Variants in LPIN1 observed in about 807,000 individuals in gnomAD.
The protein encoded by LPIN1 is lipin 1.
Under a neutral mutation model 107.5 loss-of-function variants are expected in LPIN1, and 71 were observed. The ratio of observed to expected loss-of-function variants is 0.66; its 90% CI spans 0.55 to 0.80. The LOEUF (loss-of-function observed/expected upper bound fraction) is 0.80, where lower values mean the gene tolerates loss of function less well. Among genes scored for constraint, LPIN1 ranks in the 30% least tolerant of loss-of-function variants. The probability of loss-of-function intolerance (pLI) is 0.00; values close to 1 mark genes in which losing one functional copy is unlikely to be tolerated. For synonymous variants in LPIN1, 445 were observed against 452.6 expected, an observed-to-expected ratio of 0.98 and a Z score of 0.21; for missense variants, 1,043 against 1,160.6, an observed-to-expected ratio of 0.90 and a Z score of 1.47.
In LPIN1 at chr2:11,784,932, C is replaced by G. The variant is rs1558904203; in HGVS notation, c.1405C>G (p.Arg469Gly). The G allele has an allele frequency of 6.2e-7, 1 of 1,613,986 alleles. No homozygotes were observed. The highest frequency in any genetic ancestry group is 8.5e-7 in the Non-Finnish European group (1 of 1,180,030). ...AAAACATGCAAGCGACAACGGAGCC[C>G]GGTCAGCCAACCAGTCCCCGCAGTC... The part of the protein sequence containing the change: ...LAKHASDNGA[R>G]SANQSPQSVG... Residue 469 changes from arginine (R) to glycine (G), a missense_variant, in exon 10 of 21, where the codon CGG becomes GGG. Transcript: ENST00000674199.
At chr2:11,732,911 C>CTGTGTGTG (rs35991291) in intron 1 of LPIN1, among the ~76,000 whole-genome samples, 1 of 149,010 alleles carries the variant, frequency 6.7e-6, no homozygotes, top group East Asian at 1.9e-4. Flanking sequence ...CTCTCTCTCT[C>CTGTGTGTG]TGTGTGTGTG....
At chr2:11,706,803 T>C (rs772077368) in intron 1 of LPIN1, among the ~76,000 whole-genome samples, 27 of 152,336 alleles carry the variant, frequency 1.8e-4, no homozygotes, top group Non-Finnish European at 3.7e-4. Context: ...AGGTGGTCTA[T>C]ATCTGGGGGC....
In LPIN1 at chr2:11,779,637, G is replaced by C; in HGVS notation, c.949G>C (p.Ala317Pro). Reference sequence around the variant, plus strand: ...TTGGCTGTGGGGAGAGCTGCCGCAGGCTGCTAAGGTGAGAGTCTCTTCAAT... The same window carrying C: ...TTGGCTGTGGGGAGAGCTGCCGCAGCCTGCTAAGGTGAGAGTCTCTTCAAT... ...MLWLWGELPQ[A>P]AKSSSPHKMK... The change falls in exon 7 of 21, where the codon GCT (alanine) becomes CCT (proline). Residue 317 changes from alanine to proline, a missense_variant. Transcript: ENST00000674199. The C allele has an allele frequency of 6.2e-7, 1 of 1,614,014 alleles. No individual in the cohort carries two copies. The highest frequency in any genetic ancestry group is 1.1e-5 in the South Asian group (1 of 91,088).
intron 10 of LPIN1, among the ~76,000 whole-genome samples, chr2:11,785,284 G>A (rs1038822026): frequency 5.9e-5 from 9 of 152,252 alleles, no homozygotes; most frequent in African/African-American, 2.2e-4. Flanking sequence ...CATGGCTCGG[G>A]CCATCGTTGT....
At chr2:11,732,586 C>T (rs1665346917) in intron 1 of LPIN1, among the ~76,000 whole-genome samples, 1 of 152,206 alleles carries the variant, frequency 6.6e-6, no homozygotes, top group Admixed American at 6.5e-5. Flanking sequence ...TTTGGAAATA[C>T]CTATTCCAAA....
At chr2:11,752,320 A>G (rs1186891843) in intron 1 of LPIN1, among the ~76,000 whole-genome samples, 1 of 151,684 alleles carries the variant, frequency 6.6e-6, no homozygotes, top group Non-Finnish European at 1.5e-5. Context: ...GCCTCTTTCG[A>G]TTCCTGTATC....
rs575323517 is a variant in LPIN1 at position 11,821,604 on chromosome 2, G to A, written c.2621+1090G>A. On this transcript the variant is annotated intron_variant, in intron 20 of 20. Transcript: ENST00000674199. ...GGAGGAGTTAGACTGGGGGAGTTTG[G>A]TTCTAGGAGATTCCTAAGGATTGGT... Among the ~76,000 whole-genome samples, 47 of 152,236 alleles carry A rather than the reference G, an allele frequency of 3.1e-4. 1 individual carries two copies. The highest frequency in any genetic ancestry group is 5.4e-4 in the Non-Finnish European group (37 of 68,040).
intron 6 of LPIN1, chr2:11,777,336 T>C (rs1473329882): frequency 6.6e-6 from 1 of 152,178 alleles, no homozygotes; most frequent in Non-Finnish European, 1.5e-5. Flanking sequence ...CTGTTTGCTG[T>C]TGGGGAGGGA....
At chr2:11,776,586 A>G (rs1185261320) in intron 6 of LPIN1, among the ~76,000 whole-genome samples, 5 of 152,222 alleles carry the variant, frequency 3.3e-5, no homozygotes, top group Non-Finnish European at 2.9e-5. Flanking sequence ...TTGTTTGACA[A>G]ATAAGTTTAC....
rs752521580 is a variant in LPIN1, at chr2:11,779,643, A to C, written c.955A>C (p.Lys319Gln). 3.7e-6 allele frequency: 6 copies of C among 1,613,842 alleles called. No individual in the cohort carries two copies. The highest frequency in any genetic ancestry group is 1.7e-5 in the Admixed American group (1 of 59,992). ...GTGGGGAGAGCTGCCGCAGGCTGCT[A>C]AGGTGAGAGTCTCTTCAATTCTGCC... ...WLWGELPQAAKSSSPHKMKES... is the reference protein window; with the variant it reads ...WLWGELPQAAQSSSPHKMKES... The change falls in exon 7 of 21, where the codon AAG becomes CAG. Residue 319 changes from lysine (K) to glutamine (Q), a missense_variant and splice_region_variant. Transcript: ENST00000674199.
intron 1 of LPIN1, among the ~76,000 whole-genome samples, chr2:11,759,735 C>T (rs1669354946): frequency 6.6e-6 from 1 of 152,168 alleles, no homozygotes; most frequent in South Asian, 2.1e-4. Context: ...CAGAGGGGCT[C>T]CTCACTTCCC....
intron 2 of LPIN1, among the ~76,000 whole-genome samples, chr2:11,716,416 C>T (rs577521154): frequency 2.0e-5 from 3 of 152,088 alleles, no homozygotes; most frequent in Non-Finnish European, 2.9e-5. Context: ...CTCTCCCTCT[C>T]GTTCACTCTC....
At chr2:11,763,963 T>TTGTGTGTGTG (rs1309608635) in intron 1 of LPIN1, among the ~76,000 whole-genome samples, 2 of 87,604 alleles carry the variant, frequency 2.3e-5, no homozygotes, top group African/African-American at 1.1e-4. Context: ...ACATATATTT[T>TTGTGTGTGTG]AGTGTGTGTG....
intron 2 of LPIN1, among the ~76,000 whole-genome samples, chr2:11,716,471 G>A (rs946666244): frequency 1.3e-5 from 2 of 151,800 alleles, no homozygotes; most frequent in African/African-American, 4.8e-5. Flanking sequence ...CCCTGACACT[G>A]TCCCCCTCTC....
chr2:11,819,562 A>G lies in LPIN1; in HGVS notation c.2481A>G (p.Thr827=), dbSNP rs1681176829. ...TDIKNLFFPN[T]EPFYAAFGNR... ...TCAAAAACCTGTTTTTCCCCAACAC[A>G]GAACCCTTTTATGCTGCTTTTGGAA... The change falls in exon 19 of 21, where the codon ACA becomes ACG. Residue 827 remains threonine, a synonymous_variant. Coordinates refer to ENST00000674199, the MANE Select transcript of LPIN1 (RefSeq NM_001349206.2). 4 of 1,614,012 alleles carry G rather than the reference A, an allele frequency of 2.5e-6. No homozygotes were observed. In the Admixed American group the frequency reaches 6.7e-5, roughly 27 times the overall value.
intron 1 of LPIN1, chr2:11,677,786 C>A (rs2148495685): frequency 1.4e-6 from 2 of 1,400,366 alleles, no homozygotes; most frequent in South Asian, 1.2e-5. Context: ...CTCCTTCCAT[C>A]CCCAGGTGCC....
intron 11 of LPIN1, among the ~76,000 whole-genome samples, chr2:11,787,417 T>C (rs1433771722): frequency 1.4e-5 from 2 of 146,674 alleles, no homozygotes; most frequent in Non-Finnish European, 3.0e-5. Flanking sequence ...TTTTTTTTTT[T>C]TGCGACAAGG....
rs900589813 is a variant in LPIN1, at chr2:11,786,448, G to A, written c.1550-626G>A. On this transcript the variant is annotated intron_variant, in intron 10 of 20. Coordinates refer to ENST00000674199, the MANE Select transcript of LPIN1 (RefSeq NM_001349206.2). The surrounding 1 kb of genome is among the most constrained non-coding windows in gnomAD (Gnocchi z 4.1). Reference sequence around the variant, plus strand: ...GAGCCCGTCAAAGAACTGAGGGTCCGGGGCTGAGGTCTGGGCCTCCTGACC... The same window carrying A: ...GAGCCCGTCAAAGAACTGAGGGTCCAGGGCTGAGGTCTGGGCCTCCTGACC... 1.3e-5 allele frequency among the ~76,000 whole-genome samples: 2 copies of A among 152,074 alleles called. No homozygotes were observed. Among genetic ancestry groups the A allele is most frequent in the Admixed American group, 6.5e-5 (1 of 15,278 alleles).
intron 14 of LPIN1, among the ~76,000 whole-genome samples, chr2:11,799,849 C>G (rs1677377911): frequency 6.6e-6 from 1 of 152,188 alleles, no homozygotes; most frequent in Middle Eastern, 3.4e-3. Context: ...GTAATGTAGC[C>G]CGAAGTTACC....
Sources: gnomAD v4.1 joint callset for allele counts (sites outside exome capture counted in the v4.1 genomes callset) on GRCh38, gnomAD v4.1.1 for gene constraint, Gnocchi (gnomAD v3.1) non-coding constraint, MANE v1.5 for transcripts, NCBI Gene and HGNC (gene_info 2026-07-23, HGNC 2026-07-21) for gene names.